GMDS: variants seen among roughly 807,000 people sequenced by gnomAD.
The protein encoded by GMDS is GDP-mannose 4,6 dehydratase.
Under a neutral mutation model 49.9 loss-of-function variants are expected in GMDS, and 20 were observed. The observed-to-expected ratio is 0.40, with a 90% CI of 0.28 to 0.58. GMDS has a LOEUF of 0.58. Ranked by LOEUF, GMDS falls within the 20% of genes least tolerant of loss-of-function variation. The probability of loss-of-function intolerance (pLI) is 0.42; values close to 1 mark genes in which losing one functional copy is unlikely to be tolerated. For synonymous variants in GMDS, 177 were observed against 178.6 expected (o/e 0.99, Z 0.07); for missense variants, 362 against 481.4 (o/e 0.75, Z 2.32).
intron 7 of GMDS, among the ~76,000 whole-genome samples, chr6:1,797,570 TCA>T (rs1273677132): frequency 1.3e-5 from 2 of 152,192 alleles, no homozygotes; most frequent in Non-Finnish European, 2.9e-5. Context: ...TTTAAAATAG[TCA>T]CAGTCCAAAG....
At chr6:1,808,066 G>A (rs1478117039) in intron 7 of GMDS, among the ~76,000 whole-genome samples, 1 of 152,168 alleles carries the variant, frequency 6.6e-6, no homozygotes, top group Non-Finnish European at 1.5e-5. Context: ...ACTGTATTAT[G>A]TAATTTGCAG....
intron 7 of GMDS, among the ~76,000 whole-genome samples, chr6:1,796,047 G>A (rs193010690): frequency 3.3e-5 from 5 of 152,232 alleles, no homozygotes; most frequent in Admixed American, 2.6e-4. Context: ...TGGCTTCAGC[G>A]GAAAGAGTTC....
chr6:2,098,130 G>A (rs1023439645), intron 4 of GMDS, among the ~76,000 whole-genome samples: 59 of 151,902 alleles, frequency 3.9e-4, no homozygotes, highest in Non-Finnish European at 2.8e-4. Flanking sequence ...ATCTCGGCTC[G>A]CTCACTGCAA....
intron 7 of GMDS, among the ~76,000 whole-genome samples, chr6:1,767,572 G>A (rs1158042839): frequency 6.6e-6 from 1 of 152,212 alleles, no homozygotes; most frequent in Non-Finnish European, 1.5e-5. Context: ...TGACCTCTGA[G>A]TCAAGCCAGA....
intron 1 of GMDS, among the ~76,000 whole-genome samples, chr6:2,159,939 CTG>C (rs1458940941): frequency 6.6e-6 from 1 of 152,064 alleles, no homozygotes; most frequent in Non-Finnish European, 1.5e-5. Flanking sequence ...TAAGGGTCAA[CTG>C]TAATATATAA....
chr6:1,754,005 C>T (rs1356278241), intron 7 of GMDS, among the ~76,000 whole-genome samples: 1 of 152,008 alleles, frequency 6.6e-6, no homozygotes, highest in Admixed American at 6.6e-5. Flanking sequence ...AATTCAAAAG[C>T]TAGCAGAAGA....
intron 4 of GMDS, among the ~76,000 whole-genome samples, chr6:2,071,836 C>G (rs568211758): frequency 1.3e-5 from 2 of 152,262 alleles, no homozygotes; most frequent in African/African-American, 4.8e-5. Context: ...CAAGCTCGAG[C>G]TGCTTATGCC....
intron 4 of GMDS, among the ~76,000 whole-genome samples, chr6:2,105,852 A>G (rs1581657700): frequency 6.6e-6 from 1 of 152,190 alleles, no homozygotes; most frequent in South Asian, 2.1e-4. Flanking sequence ...ATAACTGCAT[A>G]ATTGCTATCA....
At chr6:2,116,222 C>T (rs899027437) in intron 3 of GMDS, among the ~76,000 whole-genome samples, 3 of 152,182 alleles carry the variant, frequency 2.0e-5, no homozygotes, top group East Asian at 3.9e-4. Context: ...AAAAGAAAAC[C>T]TTGTAATAAC....
At chr6:2,231,271 C>T (rs561054351) in intron 1 of GMDS, among the ~76,000 whole-genome samples, 45 of 152,096 alleles carry the variant, frequency 3.0e-4, no homozygotes, top group African/African-American at 1.0e-3. Flanking sequence ...TGAAAAGTGC[C>T]CAAGGGCCAG....
intron 6 of GMDS, among the ~76,000 whole-genome samples, chr6:1,949,639 C>A (rs141862429): frequency 2.6e-5 from 4 of 152,134 alleles, no homozygotes; most frequent in Non-Finnish European, 4.4e-5. Context: ...ATGGGCCAGA[C>A]AGCTTTGTGA....
rs531720462 is a variant in GMDS, at chr6:2,077,706, G to T, written c.345+38065C>A. Reference sequence around the variant, plus strand: ...TGCCAGTATTCTGTCGAGGATTTTTGAATCCATATTCATCAAGAATAATGA... The same window carrying T: ...TGCCAGTATTCTGTCGAGGATTTTTTAATCCATATTCATCAAGAATAATGA... On this transcript the variant is annotated intron_variant, in intron 4 of 10. Transcript: ENST00000380815. Among the ~76,000 whole-genome samples, 122 of 152,180 alleles carry T rather than the reference G, an allele frequency of 8.0e-4. No individual in the cohort carries two copies. The Middle Eastern group carries it at 0.017, about 21-fold the overall frequency.
chr6:2,058,311 C>A (rs1770896919), intron 4 of GMDS, among the ~76,000 whole-genome samples: 1 of 146,514 alleles, frequency 6.8e-6, no homozygotes, highest in Admixed American at 6.9e-5. Context: ...CACCACTGCA[C>A]TCCAGCCTAT....
chr6:2,092,214 T>C (rs1197093084), intron 4 of GMDS, among the ~76,000 whole-genome samples: 1 of 152,200 alleles, frequency 6.6e-6, no homozygotes, highest in African/African-American at 2.4e-5. Flanking sequence ...TCCTTCAGGG[T>C]ATACTTGTTA....
intron 4 of GMDS, among the ~76,000 whole-genome samples, chr6:2,039,801 A>G (rs1468217339): frequency 6.6e-6 from 1 of 152,178 alleles, no homozygotes; most frequent in Non-Finnish European, 1.5e-5. Flanking sequence ...GCTGTTTTAT[A>G]GTTAACTTTT....
chr6:2,201,732 A>T (rs1779544955), intron 1 of GMDS, among the ~76,000 whole-genome samples: 1 of 123,184 alleles, frequency 8.1e-6, no homozygotes, highest in African/African-American at 3.1e-5. Context: ...CAGTGAGGGC[A>T]GCATGTTAGC....
intron 7 of GMDS, among the ~76,000 whole-genome samples, chr6:1,929,240 C>T (rs965843666): frequency 2.0e-5 from 3 of 152,126 alleles, no homozygotes; most frequent in Non-Finnish European, 4.4e-5. Flanking sequence ...GTCCAGTTTC[C>T]TAGAGAGACA....
At chr6:1,710,022 C>A (rs1212939180) in intron 9 of GMDS, among the ~76,000 whole-genome samples, 2 of 152,180 alleles carry the variant, frequency 1.3e-5, no homozygotes, top group Non-Finnish European at 2.9e-5. Flanking sequence ...CATAAAACCC[C>A]AAACCATACA....
intron 9 of GMDS, among the ~76,000 whole-genome samples, chr6:1,637,813 CCT>C (rs1159008183): frequency 6.6e-6 from 1 of 152,208 alleles, no homozygotes; most frequent in Non-Finnish European, 1.5e-5. Flanking sequence ...CAACATGCCC[CCT>C]GTCCTTCAGC....
Sources: allele counts gnomAD v4.1 joint callset (sites outside exome capture counted in the v4.1 genomes callset), GRCh38; gene constraint gnomAD v4.1.1; transcripts MANE v1.5; gene names NCBI Gene and HGNC (gene_info 2026-07-23, HGNC 2026-07-21).